Variants in CDH4 observed in about 807,000 individuals in gnomAD.
The protein encoded by CDH4 is cadherin 4, also known as cadherin-4.
CDH4 carries 33 observed loss-of-function variants against 86.0 expected under a neutral mutation model. The observed-to-expected ratio is 0.38, with a 90% confidence interval of 0.29 to 0.51. CDH4 has a LOEUF of 0.51. Among genes scored for constraint, CDH4 ranks in the 20% least tolerant of loss-of-function variants. CDH4 has a pLI of 0.86. For missense variants in CDH4, 1,114 were observed against 1,307.4 expected, an observed-to-expected ratio of 0.85 and a Z score of 2.28; for synonymous variants, 555 against 549.4, an observed-to-expected ratio of 1.01 and a Z score of -0.14.
At chr20:61,889,814 T>C (rs1984725910) in intron 7 of CDH4, among the ~76,000 whole-genome samples, 1 of 146,594 alleles carries the variant, frequency 6.8e-6, no homozygotes, top group Non-Finnish European at 1.5e-5. Context: ...GGATGATGGA[T>C]GGGTGGATGG....
rs757336738 is a variant in CDH4 at position 61,844,773 on chromosome 20, C to A, written c.682C>A (p.Arg228=). The change falls in exon 5 of 16, where the codon CGG becomes AGG. Residue 228 remains arginine, a synonymous_variant. Transcript: ENST00000614565. ...EVFSIDSMSG[R]MYVTRPMDRE... ...CTTCAGCATTGACTCCATGTCCGGC[C>A]GGATGTACGTCACAAGGCCCATGGA... The A allele has an allele frequency of 6.2e-7, 1 of 1,613,962 alleles. No individual in the cohort carries two copies. Among genetic ancestry groups the A allele is most frequent in the South Asian group, 1.1e-5 (1 of 91,034 alleles).
chr20:61,654,981 G>A (rs776355507), intron 2 of CDH4, among the ~76,000 whole-genome samples: 1 of 152,216 alleles, frequency 6.6e-6, no homozygotes, highest in African/African-American at 2.4e-5. Flanking sequence ...ACGCGTCTGC[G>A]GAGTCCCCAG....
At chr20:61,744,285 A>C (rs538345440) in intron 3 of CDH4, among the ~76,000 whole-genome samples, 1 of 151,428 alleles carries the variant, frequency 6.6e-6, no homozygotes, top group Admixed American at 6.6e-5. Flanking sequence ...AGCAAAGGAG[A>C]GGGAGAAGAG....
At chr20:61,397,486 C>G (rs6061302) in intron 2 of CDH4, among the ~76,000 whole-genome samples, 3 of 152,052 alleles carry the variant, frequency 2.0e-5, no homozygotes, top group African/African-American at 7.2e-5. Context: ...GCTTTCCCAA[C>G]GAGACCTAGA....
At chr20:61,564,139 A>T (rs1210336782) in intron 2 of CDH4, among the ~76,000 whole-genome samples, 1 of 152,110 alleles carries the variant, frequency 6.6e-6, no homozygotes, top group Admixed American at 6.5e-5. Context: ...GGTTGGGTTT[A>T]GGGCCTACCC....
At chr20:61,716,382 TG>T (rs1351649256) in intron 2 of CDH4, among the ~76,000 whole-genome samples, 1 of 151,938 alleles carries the variant, frequency 6.6e-6, no homozygotes, top group Non-Finnish European at 1.5e-5. Flanking sequence ...TCCTCTTGGC[TG>T]GAGCTGTAAA....
At chr20:61,386,885 G>T (rs971593521) in intron 2 of CDH4, among the ~76,000 whole-genome samples, 8 of 152,198 alleles carry the variant, frequency 5.3e-5, no homozygotes, top group Non-Finnish European at 8.8e-5. Context: ...ATGTTCCCCG[G>T]AGCCCGGGGG....
At chr20:61,413,085 C>T (rs962682808) in intron 2 of CDH4, among the ~76,000 whole-genome samples, 4 of 152,174 alleles carry the variant, frequency 2.6e-5, no homozygotes, top group African/African-American at 9.7e-5. Flanking sequence ...AACACCCTTC[C>T]CGGTCTTTGC....
At chr20:61,394,983 C>T (rs1032877911) in intron 2 of CDH4, among the ~76,000 whole-genome samples, 19 of 148,534 alleles carry the variant, frequency 1.3e-4, no homozygotes, top group Admixed American at 6.8e-4. Context: ...CCTGTCTGGA[C>T]CCCCACCTGT....
chr20:61,440,643 C>G (rs2085309109), intron 2 of CDH4, among the ~76,000 whole-genome samples: 1 of 152,216 alleles, frequency 6.6e-6, no homozygotes, highest in South Asian at 2.1e-4. Flanking sequence ...GCCTTTCTGA[C>G]AGTATGGATT....
intron 4 of CDH4, among the ~76,000 whole-genome samples, chr20:61,780,261 C>G (rs11906903): frequency 3.9e-5 from 6 of 152,132 alleles, no homozygotes; most frequent in African/African-American, 9.7e-5. Context: ...CAAGCTCCCC[C>G]CTCAGCCTGG....
At chr20:61,850,443 T>G (rs1235397248) in intron 5 of CDH4, among the ~76,000 whole-genome samples, 1 of 152,166 alleles carries the variant, frequency 6.6e-6, no homozygotes, top group East Asian at 1.9e-4. Flanking sequence ...CCATACGCCT[T>G]GGAGGGAACC....
At chr20:61,673,833 T>C (rs1162301294) in intron 2 of CDH4, among the ~76,000 whole-genome samples, 1 of 152,078 alleles carries the variant, frequency 6.6e-6, no homozygotes, top group Non-Finnish European at 1.5e-5. Context: ...AAAAATCACA[T>C]CTCTCTTCTA....
chr20:61,922,987 G>A (rs2122970956), intron 9 of CDH4, among the ~76,000 whole-genome samples: 1 of 152,322 alleles, frequency 6.6e-6, no homozygotes, highest in East Asian at 1.9e-4. Context: ...TCCAAATAAG[G>A]GCTCATTCAC....
intron 2 of CDH4, among the ~76,000 whole-genome samples, chr20:61,600,619 T>G (rs551302089): frequency 6.6e-6 from 1 of 152,290 alleles, no homozygotes; most frequent in East Asian, 1.9e-4. Context: ...CTATTGTCCC[T>G]CAGGGGATTC....
Position 61,920,122 on chromosome 20 carries a change from G to A in CDH4, c.1375-3329G>A, listed in dbSNP as rs534918800. ...CATGTTGTGATTGGAAGCGTGTCACGGTGATTGCGTGGAAGCGTGGTTTTG... is the reference window on the plus strand; with the variant it reads ...CATGTTGTGATTGGAAGCGTGTCACAGTGATTGCGTGGAAGCGTGGTTTTG... On this transcript the variant is annotated intron_variant, in intron 9 of 15. Transcript: ENST00000614565. Among the ~76,000 whole-genome samples the A allele has an allele frequency of 5.1e-3, 655 of 127,278 alleles. 18 individuals carry two copies. The highest frequency in any genetic ancestry group is 0.019 in the African/African-American group (623 of 33,034). 83.5% of individuals were successfully genotyped at this position (127,278 alleles called of 152,430 possible).
intron 4 of CDH4, among the ~76,000 whole-genome samples, chr20:61,839,210 G>A (rs1046057176): frequency 6.6e-6 from 1 of 152,220 alleles, no homozygotes; most frequent in Non-Finnish European, 1.5e-5. Flanking sequence ...GAGGCTTGAT[G>A]AGTGGCAGGC....
Position 61,907,051 on chromosome 20 carries a change from A to G in CDH4, c.1189-3371A>G, listed in dbSNP as rs2427239. Among the ~76,000 whole-genome samples, 9 of 151,980 alleles carry G rather than the reference A, an allele frequency of 5.9e-5. No homozygotes were observed. The East Asian group carries it at 1.6e-3, about 26-fold the overall frequency. On this transcript the variant is annotated intron_variant, in intron 8 of 15. Transcript: ENST00000614565. ...TGCTCCAGGTCTGCAAAGCTCCCCC[A>G]ACCCTGAGGCCCTCCCACCACCACC...
chr20:61,599,934 G>T, intron 2 of CDH4: 1 of 985,652 alleles, frequency 1.0e-6, no homozygotes, highest in Non-Finnish European at 1.2e-6. Context: ...CCCAGCCACA[G>T]GGTAGAGGAA....
Sources: gnomAD v4.1 joint callset for allele counts (sites outside exome capture counted in the v4.1 genomes callset) on GRCh38, gnomAD v4.1.1 for gene constraint, MANE v1.5 for transcripts, NCBI Gene and HGNC (gene_info 2026-07-23, HGNC 2026-07-21) for gene names.